EBF2: variants seen among roughly 807,000 people sequenced by gnomAD.
EBF2 encodes EBF transcription factor 2.
Under a neutral mutation model 72.8 loss-of-function variants are expected in EBF2, and 21 were observed. The ratio of observed to expected loss-of-function variants is 0.29; its 90% CI spans 0.20 to 0.42. EBF2 has a LOEUF of 0.42. EBF2 is among the 10% of genes least tolerant of loss of function. The probability of loss-of-function intolerance (pLI) is 1.00; values close to 1 mark genes in which losing one functional copy is unlikely to be tolerated. For missense variants in EBF2, 637 were observed against 731.2 expected, an observed-to-expected ratio of 0.87 and a Z score of 1.49; for synonymous variants, 299 against 274.2, an observed-to-expected ratio of 1.09 and a Z score of -0.89.
intron 7 of EBF2, among the ~76,000 whole-genome samples, chr8:25,895,968 C>G (rs1434507349): frequency 2.0e-5 from 3 of 151,422 alleles, no homozygotes; most frequent in Non-Finnish European, 4.4e-5. Flanking sequence ...AAGTACTTAT[C>G]CTTCTCAAAA....
In EBF2 at chr8:25,889,774, T is replaced by A; in HGVS notation, c.729A>T (p.Ala243=). 2 of 1,614,004 alleles carry A rather than the reference T, an allele frequency of 1.2e-6. No individual in the cohort carries two copies. The highest frequency in any genetic ancestry group is 1.7e-6 in the Non-Finnish European group (2 of 1,179,918). The part of the protein sequence containing the change: ...VHNNSKHGRR[A]RRLDPSEATP... ...TACCTTCCGATGGATCGAGTCTTCTTGCTCTCCGTCCATGCTTGGAGTTGT... is the reference window on the plus strand; with the variant it reads ...TACCTTCCGATGGATCGAGTCTTCTAGCTCTCCGTCCATGCTTGGAGTTGT... Residue 243 remains alanine, a synonymous_variant, in exon 8 of 16, where the codon GCA becomes GCT. Coordinates refer to ENST00000520164, the MANE Select transcript of EBF2 (RefSeq NM_022659.4).
intron 6 of EBF2, among the ~76,000 whole-genome samples, chr8:25,958,475 T>C (rs563643883): frequency 6.6e-6 from 1 of 152,140 alleles, no homozygotes; most frequent in South Asian, 2.1e-4. Flanking sequence ...CTTCTCTCTC[T>C]TTTTTTGGCC....
At position 25,841,990 on chromosome 8, in the gene EBF2, T is replaced by C. The variant is rs1411328958; in HGVS notation, c.*2619A>G. ...AGAGAAGTTAATGGTTTTTAAACCA[T>C]GCATATTGAAATGTGCAAAGAAAAA... On this transcript the variant is annotated 3_prime_UTR_variant, in exon 16 of 16. Coordinates refer to ENST00000520164, the MANE Select transcript of EBF2 (RefSeq NM_022659.4). The C allele has an allele frequency of 6.6e-6, 1 of 152,186 alleles. No homozygotes were observed. The highest frequency in any genetic ancestry group is 1.9e-4 in the East Asian group (1 of 5,202). The allele number at this position is 152,186 out of a possible 1,614,324, so 9.4% of individuals were successfully genotyped here.
At chr8:25,994,842 T>A (rs1804598838) in intron 6 of EBF2, among the ~76,000 whole-genome samples, 1 of 152,178 alleles carries the variant, frequency 6.6e-6, no homozygotes, top group Non-Finnish European at 1.5e-5. Context: ...ACTACCTGGA[T>A]GACAGAATAA....
intron 6 of EBF2, among the ~76,000 whole-genome samples, chr8:25,943,750 G>C (rs1270092982): frequency 6.6e-6 from 1 of 152,074 alleles, no homozygotes. Flanking sequence ...GAAAAATACA[G>C]TTCTCCCCAG....
rs139421717 is a variant in EBF2, at chr8:25,843,511, C to T, written c.*1098G>A. On this transcript the variant is annotated 3_prime_UTR_variant, in exon 16 of 16. Coordinates refer to ENST00000520164, the MANE Select transcript of EBF2 (RefSeq NM_022659.4). Reference sequence around the variant, plus strand: ...TGGGGTTCTGGTGAGGAGGAATTCCCAAGGGGTCCCTTGGTTAAGAAAGTC... The same window carrying T: ...TGGGGTTCTGGTGAGGAGGAATTCCTAAGGGGTCCCTTGGTTAAGAAAGTC... 2,069 of 152,304 alleles carry T rather than the reference C, an allele frequency of 0.014. 44 individuals carry two copies. The highest frequency in any genetic ancestry group is 0.017 in the Non-Finnish European group (1,129 of 68,090). The allele number at this position is 152,304 out of a possible 1,614,324, so 9.4% of individuals were successfully genotyped here.
chr8:25,920,673 C>A (rs1243241719), intron 6 of EBF2, among the ~76,000 whole-genome samples: 2 of 151,346 alleles, frequency 1.3e-5, no homozygotes, highest in Non-Finnish European at 1.5e-5. Context: ...AGGTGTAAAG[C>A]AGTTAGTTAA....
Position 25,978,291 on chromosome 8 carries a change from G to A in EBF2, c.551+54794C>T, listed in dbSNP as rs566386351. 2.1e-5 allele frequency among the ~76,000 whole-genome samples: 3 copies of A among 146,052 alleles called. No homozygotes were observed. The East Asian group carries it at 6.0e-4, about 29-fold the overall frequency. On this transcript the variant is annotated intron_variant, in intron 6 of 15. Transcript: ENST00000520164. Reference sequence around the variant, plus strand: ...CTCGGGTTGGGGGTAACGTGGCCGCGCCACATGGAAGGAGAGCAGCGGCAT... The same window carrying A: ...CTCGGGTTGGGGGTAACGTGGCCGCACCACATGGAAGGAGAGCAGCGGCAT...
At chr8:25,860,974 C>CA in intron 13 of EBF2, 75 bp downstream of exon 13, 1 of 1,562,946 alleles carries the variant, frequency 6.4e-7, no homozygotes, top group Non-Finnish European at 8.8e-7. Flanking sequence ...TATGACCCAA[C>CA]CTCTGACTCT....
At chr8:25,854,521 C>T (rs1181391756) in intron 14 of EBF2, among the ~76,000 whole-genome samples, 1 of 152,150 alleles carries the variant, frequency 6.6e-6, no homozygotes, top group Non-Finnish European at 1.5e-5. Context: ...TGTATCTATC[C>T]ATGACTGAAA....
intron 5 of EBF2, among the ~76,000 whole-genome samples, chr8:26,035,401 C>T (rs1002512835): frequency 6.6e-6 from 1 of 152,122 alleles, no homozygotes; most frequent in South Asian, 2.1e-4. Context: ...CTGCCCACAT[C>T]GGCCTCCCAA....
At chr8:25,986,056 C>T (rs764167840) in intron 6 of EBF2, among the ~76,000 whole-genome samples, 1 of 134,536 alleles carries the variant, frequency 7.4e-6, no homozygotes, top group Non-Finnish European at 1.5e-5. Context: ...GTTTCATGAG[C>T]TTAATGATTA....
In EBF2 at chr8:25,870,505, C is replaced by T. The variant is rs370072396; in HGVS notation, c.1010-7708G>A. Among the ~76,000 whole-genome samples, 6 of 152,276 alleles carry T rather than the reference C, an allele frequency of 3.9e-5. No homozygotes were observed. In the East Asian group the frequency reaches 7.7e-4, roughly 20 times the overall value. ...TTTTGGGGGTCCAGCCAGGTAGCAC[C>T]ACCTTCCTTATCCCTTAGTCCTTCC... On this transcript the variant is annotated intron_variant, in intron 10 of 15. Transcript: ENST00000520164.
Position 25,969,162 on chromosome 8 carries a change from C to T in EBF2, c.552-60607G>A, listed in dbSNP as rs114886767. ...CTTAAGACATCTCAAAGTGAAACCC[C>T]GAAGGAGGAATTGTCTAAGAAGATT... On this transcript the variant is annotated intron_variant, in intron 6 of 15. Coordinates refer to ENST00000520164, the MANE Select transcript of EBF2 (RefSeq NM_022659.4). 4.1e-3 allele frequency among the ~76,000 whole-genome samples: 620 copies of T among 152,216 alleles called. 3 individuals are homozygous for T. Among genetic ancestry groups the T allele is most frequent in the African/African-American group, 0.012 (485 of 41,538 alleles).
intron 6 of EBF2, 68 bp downstream of exon 6, chr8:26,033,017 G>T: frequency 7.1e-7 from 1 of 1,411,402 alleles, no homozygotes; most frequent in Non-Finnish European, 1.0e-6. Flanking sequence ...CCATGGATCA[G>T]TACTCAGAGT....
rs571478226 is a variant in EBF2, at chr8:26,033,361, C to T, written c.483-208G>A. On this transcript the variant is annotated intron_variant, in intron 5 of 15. Transcript: ENST00000520164. ...TCTCCTGCCTCAGCCTCCTGACTAA[C>T]TGGGACTACAGGTGTGTGCCACCGC... Among the ~76,000 whole-genome samples the T allele has an allele frequency of 7.2e-5, 11 of 152,322 alleles. No individual in the cohort carries two copies. The East Asian group carries it at 1.9e-3, about 27-fold the overall frequency.
intron 6 of EBF2, among the ~76,000 whole-genome samples, chr8:25,999,883 C>G (rs1188928417): frequency 1.3e-5 from 2 of 152,046 alleles, no homozygotes; most frequent in Non-Finnish European, 2.9e-5. Context: ...GGCTCAAAAC[C>G]CATCTCCACT....
chr8:26,025,170 T>G (rs1563212183), intron 6 of EBF2, among the ~76,000 whole-genome samples: 1 of 151,952 alleles, frequency 6.6e-6, no homozygotes, highest in African/African-American at 2.4e-5. Context: ...AGAGGAAAAA[T>G]TCAAGATCTG....
At position 26,042,126 on chromosome 8, in the gene EBF2, G is replaced by T. The variant is rs1805611854; in HGVS notation, c.257C>A (p.Thr86Lys). 6.2e-7 allele frequency: 1 copy of T among 1,613,590 alleles called. No homozygotes were observed. The highest frequency in any genetic ancestry group is 8.5e-7 in the Non-Finnish European group (1 of 1,179,882). Residue 86 changes from threonine (T) to lysine (K), a missense_variant, in exon 2 of 16, where the codon ACG becomes AAG. This residue lies in a region of EBF2 where 174 missense variants were observed against 161.9 expected (regional missense o/e 1.07). Transcript: ENST00000520164. ...RQGQPVEIER[T>K]AFVDFVENDK... ...ATTCTCCACAAAGTCCACGAAGGCC[G>T]TCCGCTCGATCTCCACCGGCTGGCC...
Sources: gnomAD v4.1 joint callset for allele counts (sites outside exome capture counted in the v4.1 genomes callset) on GRCh38, gnomAD v4.1.1 for gene constraint, gnomAD v4.1.1 regional missense constraint, MANE v1.5 for transcripts, NCBI Gene and HGNC (gene_info 2026-07-23, HGNC 2026-07-21) for gene names.